Variants in CSMD1 observed in about 807,000 individuals in gnomAD.
The protein encoded by CSMD1 is CUB and sushi domain-containing protein 1.
In CSMD1, 213 loss-of-function variants were observed where a neutral mutation model predicts 417.5. That is an observed-to-expected ratio of 0.51 (90% CI 0.46 to 0.57). CSMD1 has a LOEUF of 0.57. CSMD1 is among the 20% of genes least tolerant of loss of function. The pLI is 0.00. For synonymous variants in CSMD1, 2,862 were observed against 1,736.8 expected, an observed-to-expected ratio of 1.65 and a Z score of -16.11; for missense variants, 6,923 against 4,529.7, an observed-to-expected ratio of 1.53 and a Z score of -15.17.
intron 7 of CSMD1, among the ~76,000 whole-genome samples, chr8:3,649,663 T>A (rs554326933): frequency 4.6e-5 from 7 of 152,272 alleles, no homozygotes; most frequent in African/African-American, 1.7e-4. Context: ...CATGATTCCA[T>A]TACCTCCACC....
chr8:3,332,360 C>T (rs1032302207), intron 23 of CSMD1, among the ~76,000 whole-genome samples: 2 of 152,226 alleles, frequency 1.3e-5, no homozygotes, highest in African/African-American at 2.4e-5. Context: ...CTTGCCCGCT[C>T]CTCACCCACC....
At chr8:4,669,796 T>G (rs1228380213) in intron 1 of CSMD1, among the ~76,000 whole-genome samples, 1 of 152,200 alleles carries the variant, frequency 6.6e-6, no homozygotes, top group African/African-American at 2.4e-5. Flanking sequence ...AGAAGGAGAA[T>G]GATTTAAGTA....
chr8:3,725,856 A>G (rs75448077), intron 6 of CSMD1, among the ~76,000 whole-genome samples: 2,532 of 152,288 alleles, frequency 0.017, 79 homozygotes, highest in African/African-American at 0.057. Context: ...GCAGTGGATA[A>G]AAATACATCT....
intron 6 of CSMD1, among the ~76,000 whole-genome samples, chr8:3,721,745 T>A (rs540037885): frequency 1.1e-4 from 16 of 152,324 alleles, no homozygotes; most frequent in Non-Finnish European, 2.4e-4. Flanking sequence ...AGGAACAGAA[T>A]TCTAAATTCT....
intron 7 of CSMD1, among the ~76,000 whole-genome samples, chr8:3,644,902 A>G (rs3110307): frequency 1.4e-5 from 2 of 147,108 alleles, no homozygotes; most frequent in African/African-American, 5.1e-5. Flanking sequence ...TAGACAAAAC[A>G]CTGGTAGAAT....
At chr8:3,332,734 G>A (rs1399545790) in intron 23 of CSMD1, among the ~76,000 whole-genome samples, 1 of 152,198 alleles carries the variant, frequency 6.6e-6, no homozygotes, top group African/African-American at 2.4e-5. Flanking sequence ...TGAGATGGAA[G>A]GAAAACATTC....
At chr8:4,212,539 T>C (rs971947728) in intron 3 of CSMD1, among the ~76,000 whole-genome samples, 2 of 152,018 alleles carry the variant, frequency 1.3e-5, no homozygotes, top group African/African-American at 4.8e-5. Context: ...TTGAAATTTG[T>C]AGCCTTTTTT....
rs1454618195 is a variant in CSMD1 at position 4,637,464 on chromosome 8, C to T, written c.180G>A (p.Trp60Ter). 1 of 1,613,770 alleles carries T rather than the reference C, an allele frequency of 6.2e-7. No homozygotes were observed. Among genetic ancestry groups the T allele is most frequent in the Admixed American group, 1.7e-5 (1 of 60,006 alleles). The change falls in exon 2 of 70, where the codon TGG becomes TGA. Residue 60 changes from tryptophan to a stop codon, truncating the protein, a stop_gained. Transcript: ENST00000635120. LOFTEE classifies it high-confidence loss of function. ...TATTGCGCTCGCCCGTGATGATGAT[C>T]CAGGTGCAGTTGGCATAGTTCGGAT... The part of the protein sequence containing the change: ...HGYPNYANCT[W>*]IIITGERNRI...
At chr8:3,908,697 A>T (rs963715359) in intron 5 of CSMD1, among the ~76,000 whole-genome samples, 1 of 152,298 alleles carries the variant, frequency 6.6e-6, no homozygotes, top group African/African-American at 2.4e-5. Flanking sequence ...CTGGTGAAGC[A>T]ATCGCTTAAT....
chr8:3,851,670 A>C (rs1803916000), intron 5 of CSMD1, among the ~76,000 whole-genome samples: 1 of 152,204 alleles, frequency 6.6e-6, no homozygotes, highest in Non-Finnish European at 1.5e-5. Context: ...AGAAACAAAG[A>C]AAAGGGTGAA....
At chr8:3,348,324 C>T (rs1260124888) in intron 21 of CSMD1, among the ~76,000 whole-genome samples, 163 bp from the exon 22 acceptor site, 1 of 151,816 alleles carries the variant, frequency 6.6e-6, no homozygotes, top group Non-Finnish European at 1.5e-5. Flanking sequence ...TATTGTTTGA[C>T]CAACTGGACC....
At chr8:4,224,793 T>C (rs1014083646) in intron 3 of CSMD1, among the ~76,000 whole-genome samples, 1 of 152,218 alleles carries the variant, frequency 6.6e-6, no homozygotes, top group African/African-American at 2.4e-5. Flanking sequence ...AATGTTAAAA[T>C]GTGTGTTCAT....
In CSMD1 at chr8:4,108,165, T is replaced by C. The variant is rs115600828; in HGVS notation, c.416-76066A>G. ...AGAAGACAGAAGAGAGACAGTTTTA[T>C]TTTTATTAAGTTGTATCAGACTCTA... On this transcript the variant is annotated intron_variant, in intron 3 of 69. Coordinates refer to ENST00000635120, the MANE Select transcript of CSMD1 (RefSeq NM_033225.6). 5.0e-3 allele frequency among the ~76,000 whole-genome samples: 761 copies of C among 151,942 alleles called. 5 individuals carry two copies. Among genetic ancestry groups the C allele is most frequent in the African/African-American group, 0.018 (727 of 41,344 alleles).
intron 3 of CSMD1, among the ~76,000 whole-genome samples, chr8:4,221,012 G>A (rs73498508): frequency 2.0e-5 from 3 of 152,144 alleles, no homozygotes; most frequent in South Asian, 2.1e-4. Context: ...CCATGTGCCC[G>A]CAGGAGGAGG....
At chr8:4,812,029 C>G (rs1361216630) in intron 1 of CSMD1, among the ~76,000 whole-genome samples, 1 of 152,100 alleles carries the variant, frequency 6.6e-6, no homozygotes, top group Admixed American at 6.5e-5. Flanking sequence ...AGGAGTCAAG[C>G]CCAAGAAAAG....
chr8:4,168,651 G>A (rs1206448172), intron 3 of CSMD1, among the ~76,000 whole-genome samples: 7 of 151,924 alleles, frequency 4.6e-5, no homozygotes, highest in African/African-American at 7.3e-5. Flanking sequence ...TTTCTACTCT[G>A]GAGTACATCA....
At chr8:4,850,382 CTTTT>C in intron 1 of CSMD1, among the ~76,000 whole-genome samples, 4 of 77,824 alleles carry the variant, frequency 5.1e-5, no homozygotes, top group African/African-American at 2.1e-4. Flanking sequence ...TCCAATTTAT[CTTTT>C]TTTTTTTTTT....
chr8:4,727,489 T>C (rs1325280388), intron 1 of CSMD1, among the ~76,000 whole-genome samples: 2 of 152,206 alleles, frequency 1.3e-5, no homozygotes, highest in Non-Finnish European at 2.9e-5. Flanking sequence ...GAGAATGATT[T>C]GGCACTTTCA....
At chr8:3,218,876 A>G (rs948853232) in intron 29 of CSMD1, among the ~76,000 whole-genome samples, 1 of 152,148 alleles carries the variant, frequency 6.6e-6, no homozygotes, top group Non-Finnish European at 1.5e-5. Flanking sequence ...CTGTCTCAAG[A>G]AAAAAGAAAA....
Sources: gnomAD v4.1 joint callset for allele counts (sites outside exome capture counted in the v4.1 genomes callset) on GRCh38, gnomAD v4.1.1 for gene constraint, MANE v1.5 for transcripts, NCBI Gene and HGNC (gene_info 2026-07-23, HGNC 2026-07-21) for gene names.